SLC22A16: variants seen among roughly 807,000 people sequenced by gnomAD.
SLC22A16 encodes solute carrier family 22 member 16.
SLC22A16 carries 53 observed loss-of-function variants against 52.9 expected under a neutral mutation model. The ratio of observed to expected loss-of-function variants is 1.00; its 90% CI spans 0.80 to 1.26. The LOEUF (loss-of-function observed/expected upper bound fraction) is 1.26. Among genes scored for constraint, SLC22A16 ranks in the 50% most tolerant of loss-of-function variants. The pLI, the probability that SLC22A16 is intolerant of heterozygous loss-of-function variation, is 0.00. For synonymous variants in SLC22A16, 291 were observed against 268.8 expected (o/e 1.08, Z -0.81); for missense variants, 726 against 704.0 (o/e 1.03, Z -0.35).
rs767611801 is a variant in SLC22A16, at chr6:110,456,650, C to T, written c.421G>A (p.Val141Met). 1.8e-5 allele frequency: 29 copies of T among 1,614,054 alleles called. No individual in the cohort carries two copies. The highest frequency in any genetic ancestry group is 2.3e-5 in the Non-Finnish European group (27 of 1,180,048). ...YDQNTWKSTA[V>M]TQWNLVCDRK... ...TCACAGACCAGGTTCCACTGGGTCA[C>T]CGCAGTGCTTTTCCATGTGTTCTGG... Residue 141 changes from valine (V) to methionine (M), a missense_variant, in exon 2 of 8, where the codon GTG (valine) becomes ATG (methionine). Physicochemically the swap from Val to Met is conservative, Grantham distance 21 (BLOSUM62 1). Coordinates refer to ENST00000368919, the MANE Select transcript of SLC22A16 (RefSeq NM_033125.4).
intron 6 of SLC22A16, among the ~76,000 whole-genome samples, chr6:110,432,599 A>G (rs1189719321): frequency 1.3e-5 from 2 of 152,182 alleles, no homozygotes; most frequent in African/African-American, 2.4e-5. Context: ...GGACATGACA[A>G]AGATATTCTC....
intron 4 of SLC22A16, chr6:110,440,448 AT>A: frequency 6.6e-6 from 1 of 152,372 alleles, no homozygotes; most frequent in African/African-American, 2.4e-5. Flanking sequence ...CTTCTGATGC[AT>A]TTTTTTCAAA....
At chr6:110,433,307 C>G (rs1774582425) in intron 6 of SLC22A16, among the ~76,000 whole-genome samples, 1 of 152,182 alleles carries the variant, frequency 6.6e-6, no homozygotes, top group Non-Finnish European at 1.5e-5. Flanking sequence ...CTCCATCCAT[C>G]CATCCATCCA....
chr6:110,442,318 C>T lies in SLC22A16; in HGVS notation c.1109G>A (p.Ser370Asn), dbSNP rs771755026. The change falls in exon 4 of 8, where the codon AGT becomes AAT. Residue 370 changes from serine (S) to asparagine (N), a missense_variant. Physicochemically the swap from Ser to Asn is conservative, Grantham distance 46. Transcript: ENST00000368919. ...LTVWLIWFTG[S>N]LGFYSFSLNS... ...CAAGGAAAACGAGTAGAATCCCAAA[C>T]TTCCAGTGAACCAGATTAGCCAAAC... 2.2e-5 allele frequency: 36 copies of T among 1,614,094 alleles called. No individual in the cohort carries two copies. Among genetic ancestry groups the T allele is most frequent in the Non-Finnish European group, 3.1e-5 (36 of 1,180,042 alleles).
intron 4 of SLC22A16, among the ~76,000 whole-genome samples, chr6:110,439,416 A>C (rs1774875365): frequency 6.6e-6 from 1 of 152,214 alleles, no homozygotes; most frequent in African/African-American, 2.4e-5. Context: ...TTCTAGGGAT[A>C]CTGCACCATC....
Position 110,454,231 on chromosome 6 carries a change from A to G in SLC22A16, c.533+2307T>C, listed in dbSNP as rs541419873. 2.3e-3 allele frequency among the ~76,000 whole-genome samples: 343 copies of G among 152,200 alleles called. 1 individual carries two copies. The highest frequency in any genetic ancestry group is 3.7e-3 in the Non-Finnish European group (252 of 68,004). ...GACAACTCTGAGAAATGGCCCACAT[A>G]AAAAAGTGGTCAGGGACTTGCCATC... On this transcript the variant is annotated intron_variant, in intron 2 of 7. Coordinates refer to ENST00000368919, the MANE Select transcript of SLC22A16 (RefSeq NM_033125.4).
Position 110,442,361 on chromosome 6 carries a change from T to C in SLC22A16, c.1066A>G (p.Thr356Ala). The C allele has an allele frequency of 6.2e-7, 1 of 1,614,234 alleles. No homozygotes were observed. The highest frequency in any genetic ancestry group is 1.1e-5 in the South Asian group (1 of 91,090). Residue 356 changes from threonine (T) to alanine (A), a missense_variant, in exon 4 of 8, where the codon ACG becomes GCG. Physicochemically the swap from Thr to Ala is moderately conservative, Grantham distance 58 (BLOSUM62 0). Coordinates refer to ENST00000368919, the MANE Select transcript of SLC22A16 (RefSeq NM_033125.4). ...AGCCAAACGGTAAGTGTCCTTTTCG[T>C]AATGCTCCAGTTATAAAACAGATAT... is the stretch of plus-strand genomic sequence containing the variant. ...LSYLFYNWSITKRTLTVWLIW... is the reference protein window; with the variant it reads ...LSYLFYNWSIAKRTLTVWLIW...
At chr6:110,445,469 G>A (rs1775134255) in intron 3 of SLC22A16, among the ~76,000 whole-genome samples, 1 of 152,136 alleles carries the variant, frequency 6.6e-6, no homozygotes, top group South Asian at 2.1e-4. Flanking sequence ...AGCTGGGTCT[G>A]GTTTACTTAG....
intron 2 of SLC22A16, among the ~76,000 whole-genome samples, chr6:110,455,247 A>G (rs1775603730): frequency 6.6e-6 from 1 of 151,760 alleles, no homozygotes; most frequent in South Asian, 2.1e-4. Context: ...ATTTTAGTAC[A>G]TTTCATACAA....
intron 4 of SLC22A16, 25 bp from the exon 5 acceptor site, chr6:110,438,872 A>C (rs763581633): frequency 5.6e-6 from 9 of 1,612,644 alleles, no homozygotes; most frequent in Non-Finnish European, 6.8e-6. Flanking sequence ...GCAGCCCTCT[A>C]TAAGTCTAGG....
In SLC22A16 at chr6:110,433,467, T is replaced by G. The variant is rs73531253; in HGVS notation, c.1422-2197A>C. On this transcript the variant is annotated intron_variant, in intron 6 of 7. Transcript: ENST00000368919. Reference sequence around the variant, plus strand: ...TTTATGCTATCTCTTGACTAATGGATTTTCTAGGTCCTACATCCCTCCTGC... The same window carrying G: ...TTTATGCTATCTCTTGACTAATGGAGTTTCTAGGTCCTACATCCCTCCTGC... Among the ~76,000 whole-genome samples the G allele has an allele frequency of 7.7e-3, 1,179 of 152,264 alleles. 22 individuals carry two copies. The highest frequency in any genetic ancestry group is 0.026 in the African/African-American group (1,092 of 41,554).
rs751324955 is a variant in SLC22A16, at chr6:110,457,023, AGAG to A, written c.54-9_54-7del. 2.0e-6 allele frequency: 3 copies of A among 1,518,198 alleles called. No individual in the cohort carries two copies. Among genetic ancestry groups the A allele is most frequent in the Non-Finnish European group, 2.6e-6 (3 of 1,135,774 alleles). 94.0% of individuals were successfully genotyped at this position (1,518,198 alleles called of 1,614,324 possible). On this transcript the variant is annotated splice_region_variant and splice_polypyrimidine_tract_variant and intron_variant, in intron 1 of 7. Coordinates refer to ENST00000368919, the MANE Select transcript of SLC22A16 (RefSeq NM_033125.4). ...AATAGAGGACTCTCTGGAATCTGCA[AGAG>A]AAGAAAAGCTAATTATTATATCTGG...
At chr6:110,460,941 C>A (rs542951766) in intron 1 of SLC22A16, among the ~76,000 whole-genome samples, 1 of 152,122 alleles carries the variant, frequency 6.6e-6, no homozygotes, top group Non-Finnish European at 1.5e-5. Context: ...CTGAAAGGGG[C>A]GGTAGTAGTA....
Position 110,430,015 on chromosome 6 carries a change from G to A in SLC22A16, c.1521+1156C>T, listed in dbSNP as rs74591462. 6.0e-3 allele frequency among the ~76,000 whole-genome samples: 918 copies of A among 152,100 alleles called. 4 individuals are homozygous for A. The highest frequency in any genetic ancestry group is 8.6e-3 in the Admixed American group (131 of 15,274). ...AGGGGAGCTGTGCAGGGGGTCAATC[G>A]GGAAAAGCCCTGGATATCAGCTGAG... is the stretch of plus-strand genomic sequence containing the variant. On this transcript the variant is annotated intron_variant, in intron 7 of 7. Transcript: ENST00000368919.
intron 2 of SLC22A16, among the ~76,000 whole-genome samples, chr6:110,455,054 TTA>T (rs201528797): frequency 1.1e-4 from 14 of 129,850 alleles, no homozygotes; most frequent in South Asian, 4.5e-4. Context: ...TATTTATATA[TTA>T]TATATATATA....
At chr6:110,441,788 C>T (rs763832188) in intron 4 of SLC22A16, among the ~76,000 whole-genome samples, 1 of 152,202 alleles carries the variant, frequency 6.6e-6, no homozygotes, top group African/African-American at 2.4e-5. Flanking sequence ...GCCACCTTAA[C>T]AGTTCTCATG....
chr6:110,433,963 G>A (rs1033125122), intron 6 of SLC22A16, among the ~76,000 whole-genome samples: 4 of 152,118 alleles, frequency 2.6e-5, no homozygotes, highest in East Asian at 3.9e-4. Flanking sequence ...CTGACGGGCC[G>A]GACGCAGTGG....
intron 2 of SLC22A16, among the ~76,000 whole-genome samples, chr6:110,452,103 G>A (rs1314084300): frequency 6.6e-6 from 1 of 152,132 alleles, no homozygotes; most frequent in Non-Finnish European, 1.5e-5. Context: ...CTCTAAGGGA[G>A]CCTCAATCTG....
intron 2 of SLC22A16, among the ~76,000 whole-genome samples, chr6:110,453,377 T>G (rs576700308): frequency 6.6e-6 from 1 of 152,298 alleles, no homozygotes; most frequent in African/African-American, 2.4e-5. Context: ...GAAAAATAAT[T>G]TATGAGAATC....
Sources: allele counts gnomAD v4.1 joint callset (sites outside exome capture counted in the v4.1 genomes callset), GRCh38; gene constraint gnomAD v4.1.1; transcripts MANE v1.5; gene names NCBI Gene and HGNC (gene_info 2026-07-23, HGNC 2026-07-21).